PHIP: variants seen among roughly 807,000 people sequenced by gnomAD.
PHIP encodes the protein PH-interacting protein.
PHIP carries 54 observed loss-of-function variants against 236.8 expected under a neutral mutation model. The observed-to-expected ratio is 0.23, with a 90% CI of 0.18 to 0.29. The LOEUF (loss-of-function observed/expected upper bound fraction) is 0.29. Among genes scored for constraint, PHIP ranks in the 10% least tolerant of loss-of-function variants. The pLI is 1.00. For missense variants in PHIP, 1,370 were observed against 2,190.8 expected (o/e 0.63, Z 7.48); for synonymous variants, 756 against 718.9 (o/e 1.05, Z -0.83).
chr6:79,025,887 T>C, intron 8 of PHIP, 56 bp downstream of exon 8: 1 of 1,251,684 alleles, frequency 8.0e-7, no homozygotes, highest in Non-Finnish European at 1.1e-6. Context: ...TCATTAAATT[T>C]ACTTTACATT....
At chr6:78,977,388 C>T (rs1038427799) in intron 24 of PHIP, among the ~76,000 whole-genome samples, 217 of 142,576 alleles carry the variant, frequency 1.5e-3, no homozygotes, top group African/African-American at 4.6e-3. Context: ...GGGTGGGGGA[C>T]GGGGGAGGGA....
chr6:79,009,984 T>C (rs1770488623), intron 15 of PHIP, among the ~76,000 whole-genome samples: 1 of 151,622 alleles, frequency 6.6e-6, no homozygotes, highest in South Asian at 2.1e-4. Flanking sequence ...AAACATAGAC[T>C]GGAAGCATCA....
At position 79,001,358 on chromosome 6, in the gene PHIP, A is replaced by G. The variant is rs1769984647; in HGVS notation, c.1879+541T>C. Among the ~76,000 whole-genome samples, 3 of 152,064 alleles carry G rather than the reference A, an allele frequency of 2.0e-5. No homozygotes were observed. In the South Asian group the frequency reaches 6.2e-4, roughly 32 times the overall value. On this transcript the variant is annotated intron_variant, in intron 17 of 39. Transcript: ENST00000275034. ...ACTTTCCATGTCAATCCTCTTATAA[A>G]CCTTTAAAAGTTGGTAACTTTTTAA...
At chr6:79,028,172 C>T (rs1771498244) in intron 7 of PHIP, among the ~76,000 whole-genome samples, 2 of 151,932 alleles carry the variant, frequency 1.3e-5, no homozygotes, top group Admixed American at 1.3e-4. Context: ...GAGGTGAAGG[C>T]ATAAGGATGA....
Position 79,077,835 on chromosome 6 carries a change from C to G in PHIP, c.99+20G>C. On this transcript the variant is annotated intron_variant, in intron 2 of 39. Coordinates refer to ENST00000275034, the MANE Select transcript of PHIP (RefSeq NM_017934.7). ...GCGAGCGGCGAGCGCCGGCCCGGCCCGCGCCGCGCGCCGCCGTACCTGAGC... is the reference window on the plus strand; with the variant it reads ...GCGAGCGGCGAGCGCCGGCCCGGCCGGCGCCGCGCGCCGCCGTACCTGAGC... The G allele has an allele frequency of 7.0e-7, 1 of 1,431,424 alleles. No individual in the cohort carries two copies. The highest frequency in any genetic ancestry group is 9.2e-7 in the Non-Finnish European group (1 of 1,086,868). The allele number at this position is 1,431,424 out of a possible 1,614,324, so 88.7% of individuals were successfully genotyped here.
intron 27 of PHIP, among the ~76,000 whole-genome samples, chr6:78,966,334 A>C (rs951687754): frequency 6.6e-6 from 1 of 152,180 alleles, no homozygotes; most frequent in Non-Finnish European, 1.5e-5. Flanking sequence ...ATTTTTACCA[A>C]TCTAGCATTT....
chr6:79,018,262 A>AT (rs1019957790), intron 10 of PHIP, among the ~76,000 whole-genome samples: 3 of 151,974 alleles, frequency 2.0e-5, no homozygotes. Flanking sequence ...TATGATGCCT[A>AT]TATTTGTATG....
intron 19 of PHIP, among the ~76,000 whole-genome samples, chr6:78,994,062 G>A (rs1769447241): frequency 6.6e-6 from 1 of 152,190 alleles, no homozygotes; most frequent in Non-Finnish European, 1.5e-5. Flanking sequence ...TCCGAAGGCT[G>A]AAGACATCAG....
At chr6:79,003,044 A>G (rs929428640) in intron 16 of PHIP, among the ~76,000 whole-genome samples, 4 of 152,130 alleles carry the variant, frequency 2.6e-5, no homozygotes, top group Admixed American at 2.0e-4. Flanking sequence ...ATAACCTTTT[A>G]TACCATTCCA....
At position 79,016,750 on chromosome 6, in the gene PHIP, G is replaced by A. The variant is rs916181543; in HGVS notation, c.1137-108C>T. The A allele has an allele frequency of 1.2e-5, 8 of 649,328 alleles. No homozygotes were observed. In the African/African-American group the frequency reaches 1.5e-4, roughly 12 times the overall value. 40.2% of individuals were successfully genotyped at this position (649,328 alleles called of 1,614,324 possible). A position where few individuals can be genotyped will look rare whatever the true frequency, so the allele number is the denominator to read the frequency against. ...AAAGACAGCATTCATCTTTATTTATGCAGCATTCTAATAACTTCTGAAACT... is the reference window on the plus strand; with the variant it reads ...AAAGACAGCATTCATCTTTATTTATACAGCATTCTAATAACTTCTGAAACT... On this transcript the variant is annotated intron_variant, in intron 12 of 39. Coordinates refer to ENST00000275034, the MANE Select transcript of PHIP (RefSeq NM_017934.7).
intron 7 of PHIP, among the ~76,000 whole-genome samples, chr6:79,030,575 G>A (rs1029167232): frequency 2.6e-5 from 4 of 152,196 alleles, no homozygotes; most frequent in African/African-American, 9.6e-5. Flanking sequence ...GTAGTCACTA[G>A]ACAATTTGTA....
intron 13 of PHIP, 78 bp from the exon 14 acceptor site, chr6:79,015,861 G>T: frequency 1.1e-6 from 1 of 884,130 alleles, no homozygotes; most frequent in Non-Finnish European, 1.7e-6. Context: ...TCTATAATTA[G>T]TATTTATATT....
intron 15 of PHIP, among the ~76,000 whole-genome samples, chr6:79,012,796 A>T (rs1290174575): frequency 1.3e-5 from 2 of 151,696 alleles, no homozygotes; most frequent in Non-Finnish European, 3.0e-5. Flanking sequence ...TTTGCCCATA[A>T]ATAAAACAAG....
Position 78,997,466 on chromosome 6 carries a change from C to T in PHIP, c.2149G>A (p.Val717Ile). Reference protein sequence around the residue: ...RSEIATERDLVAWSRRVVVPE... With the variant: ...RSEIATERDLIAWSRRVVVPE... ...ACTACCACCCTTCGACTCCAAGCTACCAGATCCCGCTCTGTGGCTATTTCA... is the reference window on the plus strand; with the variant it reads ...ACTACCACCCTTCGACTCCAAGCTATCAGATCCCGCTCTGTGGCTATTTCA... Residue 717 changes from valine (V) to isoleucine (I), a missense_variant, in exon 19 of 40, where the codon GTA becomes ATA. Transcript: ENST00000275034. 1 of 1,613,970 alleles carries T rather than the reference C, an allele frequency of 6.2e-7. No homozygotes were observed. Among genetic ancestry groups the T allele is most frequent in the South Asian group, 1.1e-5 (1 of 91,070 alleles).
chr6:78,992,770 C>T (rs1023983474), intron 19 of PHIP, among the ~76,000 whole-genome samples: 3 of 152,172 alleles, frequency 2.0e-5, no homozygotes, highest in Non-Finnish European at 4.4e-5. Context: ...GCCATTGCCC[C>T]ATCTTCTCCC....
At chr6:79,032,025 T>G (rs1771695661) in intron 7 of PHIP, among the ~76,000 whole-genome samples, 1 of 152,190 alleles carries the variant, frequency 6.6e-6, no homozygotes, top group South Asian at 2.1e-4. Flanking sequence ...CACACAAATT[T>G]TTTGGTTTCC....
In PHIP at chr6:78,946,719, A is replaced by G; in HGVS notation, c.4362T>C (p.Ala1454=). ...TAAAAGAAATTAAATACCTTGATGC[A>G]GCACTACTGGAAACAGAGCTGCTTC... ...RNRSSSVSSS[A]ASSPERKKRI... The change falls in exon 37 of 40, where the codon GCT becomes GCC. Residue 1454 remains alanine, a synonymous_variant. Coordinates refer to ENST00000275034, the MANE Select transcript of PHIP (RefSeq NM_017934.7). 1 of 1,562,662 alleles carries G rather than the reference A, an allele frequency of 6.4e-7. No individual in the cohort carries two copies. Among genetic ancestry groups the G allele is most frequent in the Non-Finnish European group, 8.6e-7 (1 of 1,163,460 alleles).
chr6:78,945,335 G>A lies in PHIP; in HGVS notation c.4793C>T (p.Ser1598Phe), dbSNP rs773509249. Reference sequence around the variant, plus strand: ...GACAGCTGATGACTTTGAAAGAGTGGACGCCTTTGGGAGTACAGATGACTT... The same window carrying A: ...GACAGCTGATGACTTTGAAAGAGTGAACGCCTTTGGGAGTACAGATGACTT... ...KMKSSVLPKA[S>F]TLSKSSAVIE... The change falls in exon 39 of 40, where the codon TCC becomes TTC. Residue 1598 changes from serine to phenylalanine, a missense_variant. Around this residue, in one of 14 missense-constraint regions of PHIP, gnomAD observed 309 missense variants for 328.3 expected, o/e 0.94. Coordinates refer to ENST00000275034, the MANE Select transcript of PHIP (RefSeq NM_017934.7). 2 of 1,613,522 alleles carry A rather than the reference G, an allele frequency of 1.2e-6. No homozygotes were observed. Among genetic ancestry groups the A allele is most frequent in the Non-Finnish European group, 1.7e-6 (2 of 1,179,566 alleles).
rs551633855 is a variant in PHIP at position 79,060,834 on chromosome 6, C to T, written c.190-16G>A. The stretch of plus-strand genomic sequence containing the variant: ...AATACTTCACCTATTATGTAAAAGA[C>T]AAATATAGTAGGTTTCAGTTTATCA... On this transcript the variant is annotated splice_polypyrimidine_tract_variant and intron_variant, in intron 4 of 39. Transcript: ENST00000275034. The T allele has an allele frequency of 2.6e-6, 4 of 1,536,034 alleles. No homozygotes were observed. Among genetic ancestry groups the T allele is most frequent in the Non-Finnish European group, 3.5e-6 (4 of 1,127,012 alleles).
Sources: allele counts gnomAD v4.1 joint callset (sites outside exome capture counted in the v4.1 genomes callset), GRCh38; gene constraint gnomAD v4.1.1; regional missense constraint gnomAD v4.1.1; transcripts MANE v1.5; gene names NCBI Gene and HGNC (gene_info 2026-07-23, HGNC 2026-07-21).